The following GALNT10 variants were observed in gnomAD, a reference collection of about 807,000 sequenced individuals.
GALNT10 encodes polypeptide N-acetylgalactosaminyltransferase 10, also known as GalNAc transferase 10.
Under a neutral mutation model 75.0 loss-of-function variants are expected in GALNT10, and 41 were observed. The observed-to-expected ratio is 0.55, with a 90% CI of 0.43 to 0.71. The LOEUF is 0.71. Ranked by LOEUF, GALNT10 falls within the 30% of genes least tolerant of loss-of-function variation. The probability of loss-of-function intolerance (pLI) is 0.00; values close to 1 mark genes in which losing one functional copy is unlikely to be tolerated. For synonymous variants in GALNT10, 302 were observed against 313.0 expected, an observed-to-expected ratio of 0.96 and a Z score of 0.37; for missense variants, 727 against 818.5, an observed-to-expected ratio of 0.89 and a Z score of 1.36.
In GALNT10 at chr5:154,418,344, A is replaced by C. The variant is rs916105034; in HGVS notation, c.*1372A>C. On this transcript the variant is annotated 3_prime_UTR_variant, in exon 12 of 12. Coordinates refer to ENST00000297107, the MANE Select transcript of GALNT10 (RefSeq NM_198321.4). ...ACGTCCCACAGCCAGATATACACCC[A>C]GCTCCATGCCAGCCCTTCATGTTTA... 1 of 152,308 alleles carries C rather than the reference A, an allele frequency of 6.6e-6. No homozygotes were observed. Among genetic ancestry groups the C allele is most frequent in the African/African-American group, 2.4e-5 (1 of 41,466 alleles). The allele number at this position is 152,308 out of a possible 1,614,324, so 9.4% of individuals were successfully genotyped here. A position where few individuals can be genotyped will look rare whatever the true frequency, so the allele number is the denominator to read the frequency against.
chr5:154,361,575 G>A (rs1410438917), intron 4 of GALNT10, among the ~76,000 whole-genome samples: 1 of 152,152 alleles, frequency 6.6e-6, no homozygotes, highest in Non-Finnish European at 1.5e-5. Flanking sequence ...GAAAAATACT[G>A]GAGGCTCAGT....
chr5:154,259,450 A>G (rs1402817099), intron 1 of GALNT10, among the ~76,000 whole-genome samples: 1 of 152,072 alleles, frequency 6.6e-6, no homozygotes, highest in Non-Finnish European at 1.5e-5. Context: ...TAAAGTTACC[A>G]TTTTCCTCTT....
intron 8 of GALNT10, 109 bp downstream of exon 8, chr5:154,404,320 G>T: frequency 1.7e-6 from 1 of 605,652 alleles, no homozygotes; most frequent in South Asian, 2.2e-5. Flanking sequence ...TGGGTTTGAG[G>T]ATGTGCCTCC....
intron 1 of GALNT10, among the ~76,000 whole-genome samples, chr5:154,292,975 G>A (rs1754217132): frequency 6.6e-6 from 1 of 151,394 alleles, no homozygotes; most frequent in Admixed American, 6.6e-5. Flanking sequence ...AGTTTTTGTA[G>A]TTTTTTTTTC....
At chr5:154,312,885 C>G (rs988513692) in intron 3 of GALNT10, among the ~76,000 whole-genome samples, 2 of 152,228 alleles carry the variant, frequency 1.3e-5, no homozygotes, top group Non-Finnish European at 2.9e-5. Flanking sequence ...TAGAGTTCCT[C>G]TTTCCTGCTG....
chr5:154,310,446 TTTTTTTGTTTG>T (rs757076320), intron 3 of GALNT10, among the ~76,000 whole-genome samples: 6 of 97,108 alleles, frequency 6.2e-5, no homozygotes, highest in Non-Finnish European at 1.4e-4. Context: ...TTTTTGTTTT[TTTTTTTGTTTG>T]TTTGTTTGTT....
chr5:154,234,504 C>T (rs1489187778), intron 1 of GALNT10, among the ~76,000 whole-genome samples: 2 of 152,352 alleles, frequency 1.3e-5, no homozygotes, highest in East Asian at 3.9e-4. Context: ...GTGCCAGGCA[C>T]TGTTCTAAGC....
Position 154,409,738 on chromosome 5 carries a change from G to A in GALNT10, c.1362G>A (p.Glu454=), listed in dbSNP as rs766540113. ...WDLPKFYPPV[E]PPAAAWGEIR... ...TGCCCAAATTCTACCCACCCGTGGA[G>A]CCCCCGGCTGCAGCTTGGGGGGAGG... Residue 454 remains glutamate (E), a synonymous_variant, in exon 9 of 12, where the codon GAG becomes GAA. Coordinates refer to ENST00000297107, the MANE Select transcript of GALNT10 (RefSeq NM_198321.4). The surrounding 1 kb of genome is among the most constrained non-coding windows in gnomAD (Gnocchi z 4.5). 1.1e-4 allele frequency: 182 copies of A among 1,613,676 alleles called. No individual in the cohort carries two copies. Among genetic ancestry groups the A allele is most frequent in the Non-Finnish European group, 1.5e-4 (175 of 1,179,732 alleles).
chr5:154,301,565 T>G (rs1020668746), intron 3 of GALNT10, among the ~76,000 whole-genome samples: 34 of 145,730 alleles, frequency 2.3e-4, no homozygotes, highest in Non-Finnish European at 4.6e-4. Flanking sequence ...TTTTTTTGTT[T>G]TTTTTTTTTT....
intron 1 of GALNT10, among the ~76,000 whole-genome samples, chr5:154,253,735 G>A (rs1255104755): frequency 1.0e-5 from 1 of 98,524 alleles, no homozygotes; most frequent in South Asian, 3.2e-4. Flanking sequence ...TTTTTTTGGT[G>A]TGGTATTAAA....
chr5:154,313,657 T>C (rs959407366), intron 3 of GALNT10, among the ~76,000 whole-genome samples: 3 of 152,226 alleles, frequency 2.0e-5, no homozygotes, highest in Admixed American at 1.3e-4. Context: ...GCACACGTTG[T>C]CAAGTAATCT....
intron 4 of GALNT10, among the ~76,000 whole-genome samples, chr5:154,343,036 G>A (rs73807623): frequency 0.05 from 7,610 of 152,136 alleles, 495 homozygotes; most frequent in African/African-American, 0.15. Flanking sequence ...TATGAAATAT[G>A]AGAGCAGAGG....
At chr5:154,370,396 C>A (rs920166479) in intron 4 of GALNT10, among the ~76,000 whole-genome samples, 3 of 152,162 alleles carry the variant, frequency 2.0e-5, no homozygotes, top group African/African-American at 7.2e-5. Context: ...CAGGCCTTTG[C>A]AAGGGGCTGA....
chr5:154,321,981 T>C (rs1331030690), intron 3 of GALNT10, among the ~76,000 whole-genome samples: 1 of 152,206 alleles, frequency 6.6e-6, no homozygotes, highest in Non-Finnish European at 1.5e-5. Flanking sequence ...GGCAAAAGGG[T>C]ATCAAGGACG....
At chr5:154,301,191 A>G (rs1403169568) in intron 3 of GALNT10, among the ~76,000 whole-genome samples, 1 of 152,218 alleles carries the variant, frequency 6.6e-6, no homozygotes, top group Admixed American at 6.5e-5. Context: ...TTTTTTAAAA[A>G]AATTAACCTT....
At chr5:154,390,879 G>A (rs960963633) in intron 7 of GALNT10, among the ~76,000 whole-genome samples, 1 of 152,238 alleles carries the variant, frequency 6.6e-6, no homozygotes, top group Non-Finnish European at 1.5e-5. Context: ...AATAGACTTG[G>A]TAATGAAGCC....
intron 3 of GALNT10, among the ~76,000 whole-genome samples, chr5:154,305,992 T>A (rs1318619398): frequency 6.6e-6 from 1 of 152,154 alleles, no homozygotes; most frequent in East Asian, 1.9e-4. Context: ...TACTCCAGCC[T>A]GGGTGACAAA....
intron 1 of GALNT10, among the ~76,000 whole-genome samples, chr5:154,277,503 AG>A (rs1229207811): frequency 6.6e-6 from 1 of 152,028 alleles, no homozygotes; most frequent in Non-Finnish European, 1.5e-5. Context: ...CCCTTTGCAA[AG>A]GGCCTGGGAT....
chr5:154,218,422 G>A (rs1472710577), intron 1 of GALNT10, among the ~76,000 whole-genome samples: 1 of 152,148 alleles, frequency 6.6e-6, no homozygotes, highest in Non-Finnish European at 1.5e-5. Flanking sequence ...CTGTGACCTT[G>A]TACCAGTCGC....
Sources: gnomAD v4.1 joint callset for allele counts (sites outside exome capture counted in the v4.1 genomes callset) on GRCh38, gnomAD v4.1.1 for gene constraint, Gnocchi (gnomAD v3.1) non-coding constraint, MANE v1.5 for transcripts, NCBI Gene and HGNC (gene_info 2026-07-23, HGNC 2026-07-21) for gene names.